Variants in C11orf54 observed in about 807,000 individuals in gnomAD.
The protein encoded by C11orf54 is beta-keto L-gulonate decarboxylase.
Under a neutral mutation model 35.5 loss-of-function variants are expected in C11orf54, and 29 were observed. The observed-to-expected ratio is 0.82, with a 90% CI of 0.61 to 1.11. The LOEUF is 1.11. Ranked by LOEUF, C11orf54 falls within the 50% of genes most tolerant of loss-of-function variation. The pLI, the probability that C11orf54 is intolerant of heterozygous loss-of-function variation, is 0.00. For synonymous variants in C11orf54, 108 were observed against 121.1 expected (o/e 0.89, Z 0.71); for missense variants, 373 against 369.2 (o/e 1.01, Z -0.08).
chr11:93,751,696 G>T (rs755287044), intron 3 of C11orf54, among the ~76,000 whole-genome samples: 1 of 151,632 alleles, frequency 6.6e-6, no homozygotes, highest in Admixed American at 6.6e-5. Context: ...GAGCCACCAC[G>T]CCCAGCCTTG....
chr11:93,747,509 A>C, intron 2 of C11orf54, 61 bp downstream of exon 2: 1 of 1,316,690 alleles, frequency 7.6e-7, no homozygotes, highest in Non-Finnish European at 1.1e-6. Context: ...TCTTTTAAAA[A>C]GATTCTAAGA....
At chr11:93,749,155 A>C (rs1037668738) in intron 2 of C11orf54, among the ~76,000 whole-genome samples, 5 of 151,760 alleles carry the variant, frequency 3.3e-5, no homozygotes, top group African/African-American at 1.2e-4. Flanking sequence ...AAAAAAAAAA[A>C]AAAAAAAGAC....
intron 8 of C11orf54, among the ~76,000 whole-genome samples, 192 bp from the exon 9 acceptor site, chr11:93,761,323 G>A (rs1345995661): frequency 6.6e-6 from 1 of 152,234 alleles, no homozygotes; most frequent in Admixed American, 6.5e-5. Flanking sequence ...AGGAAGGGGA[G>A]TGAGTGGTGA....
At chr11:93,759,951 T>C in intron 8 of C11orf54, 93 bp downstream of exon 8, 2 of 777,480 alleles carry the variant, frequency 2.6e-6, no homozygotes, top group Non-Finnish European at 4.0e-6. Context: ...GTGTTTGTTG[T>C]TGTTGTTGTT....
In C11orf54 at chr11:93,748,174, T is replaced by A. The variant is rs1213715184; in HGVS notation, c.55+726T>A. On this transcript the variant is annotated intron_variant, in intron 2 of 8. Coordinates refer to ENST00000354421, the MANE Select transcript of C11orf54 (RefSeq NM_001286069.2). ...AAGAAATAGACTCATTTTTGCTTTG[T>A]TGTAACTTTCCTCTTATAATCTTTT... Among the ~76,000 whole-genome samples, 3 of 152,306 alleles carry A rather than the reference T, an allele frequency of 2.0e-5. No individual in the cohort carries two copies. In the East Asian group the frequency reaches 5.8e-4, roughly 29 times the overall value.
chr11:93,749,258 G>T (rs1293387864), intron 2 of C11orf54, among the ~76,000 whole-genome samples: 1 of 151,948 alleles, frequency 6.6e-6, no homozygotes, highest in Non-Finnish European at 1.5e-5. Context: ...AAGGTGAGCA[G>T]ATCTCTTAAG....
Position 93,742,429 on chromosome 11 carries a change from G to A in C11orf54, c.-98+701G>A, listed in dbSNP as rs531704918. ...CTCCCCAGTAGCTGAGATTACAGGCGTGCGCCACCATGCCCAGCTAATTTT... is the reference window on the plus strand; with the variant it reads ...CTCCCCAGTAGCTGAGATTACAGGCATGCGCCACCATGCCCAGCTAATTTT... On this transcript the variant is annotated intron_variant, in intron 1 of 8. Coordinates refer to ENST00000354421, the MANE Select transcript of C11orf54 (RefSeq NM_001286069.2). 5.3e-5 allele frequency among the ~76,000 whole-genome samples: 8 copies of A among 152,120 alleles called. No homozygotes were observed. The South Asian group carries it at 1.2e-3, about 24-fold the overall frequency.
Position 93,755,293 on chromosome 11 carries a change from A to T in C11orf54, c.414A>T (p.Gly138=), listed in dbSNP as rs1188725326. Residue 138 remains glycine, a synonymous_variant, in exon 6 of 9, where the codon GGA becomes GGT. Coordinates refer to ENST00000354421, the MANE Select transcript of C11orf54 (RefSeq NM_001286069.2). The part of the protein sequence containing the change: ...SYFAHVNPAD[G]GCLLEKYSEK... ...TTGCCCATGTGAACCCTGCAGATGG[A>T]GGGTGCCTACTGGAGAAATACAGTG... is the stretch of plus-strand genomic sequence containing the variant. 6.2e-7 allele frequency: 1 copy of T among 1,613,936 alleles called. No homozygotes were observed. Among genetic ancestry groups the T allele is most frequent in the African/African-American group, 1.3e-5 (1 of 74,914 alleles).
chr11:93,748,907 A>G (rs1942641763), intron 2 of C11orf54, among the ~76,000 whole-genome samples: 1 of 149,836 alleles, frequency 6.7e-6, no homozygotes, highest in Admixed American at 6.6e-5. Flanking sequence ...GCACTTTGGG[A>G]GGCTGAGGCA....
Position 93,762,903 on chromosome 11 carries a change from A to G in C11orf54, c.*1215A>G, listed in dbSNP as rs1175567068. 6.6e-6 allele frequency: 1 copy of G among 152,190 alleles called. No homozygotes were observed. The highest frequency in any genetic ancestry group is 2.4e-5 in the African/African-American group (1 of 41,452). The allele number at this position is 152,190 out of a possible 1,614,324, so 9.4% of individuals were successfully genotyped here. ...ATCATTAGCCAAAGATCAACTCTCT[A>G]ATGGTGCTAATGGCAATCTAGCTAA... On this transcript the variant is annotated 3_prime_UTR_variant, in exon 9 of 9. Transcript: ENST00000354421.
At position 93,743,777 on chromosome 11, in the gene C11orf54, A is replaced by G. The variant is rs148579088; in HGVS notation, c.-98+2049A>G. The stretch of plus-strand genomic sequence containing the variant: ...TGTGCACTCAAATGGTAACCAGTTT[A>G]GTTGCGATAGTTGGTCTACCCCTCC... On this transcript the variant is annotated intron_variant, in intron 1 of 8. Transcript: ENST00000354421. 1.0e-3 allele frequency among the ~76,000 whole-genome samples: 157 copies of G among 152,308 alleles called. 1 individual carries two copies. The highest frequency in any genetic ancestry group is 6.8e-3 in the Middle Eastern group (2 of 294).
intron 3 of C11orf54, among the ~76,000 whole-genome samples, 195 bp downstream of exon 3, chr11:93,750,639 TTG>T (rs896143565): frequency 1.3e-5 from 2 of 152,224 alleles, no homozygotes; most frequent in African/African-American, 4.8e-5. Flanking sequence ...TGGAAAAGGA[TTG>T]TGTTTTATTC....
chr11:93,749,631 AT>A (rs780724622), intron 2 of C11orf54, among the ~76,000 whole-genome samples: 37 of 152,154 alleles, frequency 2.4e-4, no homozygotes, highest in Non-Finnish European at 3.5e-4. Flanking sequence ...CCTGGGCAAT[AT>A]AGCAAGACCT....
In C11orf54 at chr11:93,753,841, A is replaced by G. The variant is rs1942977876; in HGVS notation, c.228+86A>G. ...TTTATTATTAGAAGACCTGTTGATC[A>G]GTTGGCAAGGAAGTGCTAATGGATC... is the stretch of plus-strand genomic sequence containing the variant. On this transcript the variant is annotated intron_variant, in intron 4 of 8. Transcript: ENST00000354421. The G allele has an allele frequency of 1.9e-6, 3 of 1,539,184 alleles. No homozygotes were observed. The East Asian group carries it at 6.8e-5, about 35-fold the overall frequency.
intron 1 of C11orf54, chr11:93,743,048 G>C (rs182144901): frequency 6.6e-6 from 1 of 151,710 alleles, no homozygotes; most frequent in East Asian, 1.9e-4. Flanking sequence ...GCCCAGGCTG[G>C]AGTGCAGTGT....
chr11:93,746,302 A>AT (rs1393622006), intron 1 of C11orf54: 1 of 152,240 alleles, frequency 6.6e-6, no homozygotes, highest in African/African-American at 2.4e-5. Context: ...GAAGTGTTCT[A>AT]TTAACAGTTT....
intron 8 of C11orf54, 83 bp downstream of exon 8, chr11:93,759,941 G>A: frequency 2.4e-6 from 2 of 840,494 alleles, no homozygotes; most frequent in South Asian, 2.2e-5. Flanking sequence ...AGGCACTTTT[G>A]TGTTTGTTGT....
intron 2 of C11orf54, among the ~76,000 whole-genome samples, chr11:93,749,529 T>G (rs931683879): frequency 1.4e-5 from 1 of 71,956 alleles, no homozygotes; most frequent in African/African-American, 4.1e-5. Flanking sequence ...AAAAAAAAAC[T>G]GTTGAGGCTA....
At chr11:93,755,526 G>A (rs2135642506) in intron 6 of C11orf54, 140 bp downstream of exon 6, 2 of 864,908 alleles carry the variant, frequency 2.3e-6, no homozygotes, top group Non-Finnish European at 1.7e-6. Flanking sequence ...GATAACTTGA[G>A]GTCAACTTGA....
Sources: gnomAD v4.1 joint callset for allele counts (sites outside exome capture counted in the v4.1 genomes callset) on GRCh38, gnomAD v4.1.1 for gene constraint, MANE v1.5 for transcripts, NCBI Gene and HGNC (gene_info 2026-07-23, HGNC 2026-07-21) for gene names.